Variants in OR3A2 observed in about 807,000 individuals in gnomAD.
The protein encoded by OR3A2 is olfactory receptor 3A2.
For synonymous variants in OR3A2, 126 were observed against 159.3 expected (o/e 0.79, Z 1.57); for missense variants, 318 against 392.8 (o/e 0.81, Z 1.61).
At chr17:3,378,834 G>A (rs2049708289) in intron 2 of OR3A2, among the ~76,000 whole-genome samples, 1 of 152,124 alleles carries the variant, frequency 6.6e-6, no homozygotes, top group Non-Finnish European at 1.5e-5. Flanking sequence ...AGTACCTAGG[G>A]CACTTATTGC....
At chr17:3,344,899 T>C (rs551730999) in intron 2 of OR3A2, among the ~76,000 whole-genome samples, 1 of 152,276 alleles carries the variant, frequency 6.6e-6, no homozygotes, top group South Asian at 2.1e-4. Context: ...GGAAGAGCAG[T>C]AGCAGCTACC....
chr17:3,285,747 C>A (rs983102206), upstream of OR3A2, among the ~76,000 whole-genome samples: 1 of 152,128 alleles, frequency 6.6e-6, no homozygotes, highest in Non-Finnish European at 1.5e-5. Flanking sequence ...GTGATCGCAC[C>A]ACTGCACTGC....
At chr17:3,359,507 G>A (rs898686872) in intron 2 of OR3A2, among the ~76,000 whole-genome samples, 1 of 151,650 alleles carries the variant, frequency 6.6e-6, no homozygotes. Context: ...ATCTGAAAAG[G>A]AACATATTTC....
rs2049238392 is a variant in OR3A2, at chr17:3,331,933, A to G, written c.-85+4100T>C. ...TCTGTTTGTTAGTTTTCCTTCTAACAGACAGGACCCTCAGCTGCAGGTCTG... is the reference window on the plus strand; with the variant it reads ...TCTGTTTGTTAGTTTTCCTTCTAACGGACAGGACCCTCAGCTGCAGGTCTG... On this transcript the variant is annotated intron_variant, in intron 3 of 4. Coordinates refer to the OR3A2 transcript ENST00000573491. Among the ~76,000 whole-genome samples the G allele has an allele frequency of 4.0e-5, 6 of 151,662 alleles. No homozygotes were observed. The South Asian group carries it at 1.3e-3, about 32-fold the overall frequency.
intron 3 of OR3A2, among the ~76,000 whole-genome samples, chr17:3,328,908 T>C (rs1381887465): frequency 6.6e-6 from 1 of 150,920 alleles, no homozygotes; most frequent in Non-Finnish European, 1.5e-5. Flanking sequence ...TTATTGAGAG[T>C]TTTTAGCATG....
At chr17:3,371,252 T>C (rs1597362389) in intron 2 of OR3A2, among the ~76,000 whole-genome samples, 26 of 141,484 alleles carry the variant, frequency 1.8e-4, no homozygotes, top group African/African-American at 3.7e-4. Context: ...GGGGCTGACC[T>C]CCTCACCTCC....
At chr17:3,344,273 C>T (rs1017134576) in intron 2 of OR3A2, among the ~76,000 whole-genome samples, 2 of 152,164 alleles carry the variant, frequency 1.3e-5, no homozygotes, top group Non-Finnish European at 2.9e-5. Flanking sequence ...AATTTTTACA[C>T]ATCTAATTAT....
intron 2 of OR3A2, among the ~76,000 whole-genome samples, chr17:3,362,263 T>G (rs527665305): frequency 6.6e-6 from 1 of 151,852 alleles, no homozygotes; most frequent in Non-Finnish European, 1.5e-5. Context: ...GGTGGTGATA[T>G]CCCCTTTAGC....
At chr17:3,305,613 T>C (rs1428485618) in intron 3 of OR3A2, among the ~76,000 whole-genome samples, 1 of 149,772 alleles carries the variant, frequency 6.7e-6, no homozygotes, top group Admixed American at 6.7e-5. Context: ...AAACTAAGTA[T>C]GCAATGGTTA....
chr17:3,378,857 C>T (rs2049708497), intron 2 of OR3A2, among the ~76,000 whole-genome samples: 1 of 152,218 alleles, frequency 6.6e-6, no homozygotes, highest in Non-Finnish European at 1.5e-5. Flanking sequence ...AGCACTGTAA[C>T]TTGCTGTGCC....
At position 3,320,760 on chromosome 17, in the gene OR3A2, C is replaced by G. The variant is rs148418995; in HGVS notation, c.-85+15273G>C. ...TATATCTCTGTTTTGGTACTAGTAC[C>G]ATGCTGTTTTGGTTACTGTAGCCTT... On this transcript the variant is annotated intron_variant, in intron 3 of 4. Transcript: ENST00000573491. 3.8e-3 allele frequency among the ~76,000 whole-genome samples: 580 copies of G among 152,062 alleles called. 5 individuals carry two copies. Among genetic ancestry groups the G allele is most frequent in the African/African-American group, 0.013 (551 of 41,480 alleles).
At chr17:3,369,007 G>A (rs1030166296) in intron 2 of OR3A2, among the ~76,000 whole-genome samples, 2 of 152,130 alleles carry the variant, frequency 1.3e-5, no homozygotes, top group African/African-American at 4.8e-5. Context: ...AGTTGTAAAA[G>A]GGGTTGAGTT....
chr17:3,345,245 C>T (rs911145457), intron 2 of OR3A2, among the ~76,000 whole-genome samples: 6 of 152,142 alleles, frequency 3.9e-5, no homozygotes, highest in African/African-American at 1.4e-4. Context: ...AGAGAAAAGA[C>T]ATTCATCTAC....
intron 2 of OR3A2, among the ~76,000 whole-genome samples, chr17:3,340,364 T>C (rs1035716678): frequency 1.3e-5 from 2 of 152,178 alleles, no homozygotes; most frequent in Non-Finnish European, 2.9e-5. Flanking sequence ...GATGTTAGGG[T>C]GTCAATTTTA....
At chr17:3,338,434 G>C (rs752155528) in intron 2 of OR3A2, among the ~76,000 whole-genome samples, 5 of 152,072 alleles carry the variant, frequency 3.3e-5, no homozygotes, top group Non-Finnish European at 5.9e-5. Flanking sequence ...AATCCATCTT[G>C]AATTAATTTT....
intron 3 of OR3A2, chr17:3,291,078 C>T (rs962570834): frequency 4.6e-5 from 7 of 152,252 alleles, no homozygotes; most frequent in Non-Finnish European, 1.0e-4. Flanking sequence ...TACAGCTTCC[C>T]CTCTGTCCCC....
chr17:3,337,159 A>G (rs1045598975), intron 2 of OR3A2, among the ~76,000 whole-genome samples: 3 of 152,218 alleles, frequency 2.0e-5, no homozygotes, highest in Non-Finnish European at 4.4e-5. Flanking sequence ...TAAAATATGC[A>G]TAACATAAAA....
Position 3,311,785 on chromosome 17 carries a change from TCA to T in OR3A2, c.-85+24246_-85+24247del, listed in dbSNP as rs2049046361. ...CTTCTTCAGTTACATGTGTCTGGGC[TCA>T]GTCTCAGCCTCAGACAAAGATAAGG... On this transcript the variant is annotated intron_variant, in intron 3 of 4. Coordinates refer to the OR3A2 transcript ENST00000573491. This position sits in a 1 kb window ranked among gnomAD's most constrained non-coding sequence, Gnocchi z 4.6. The T allele has an allele frequency of 4.6e-6, 1 of 215,974 alleles. No homozygotes were observed. The highest frequency in any genetic ancestry group is 2.3e-5 in the African/African-American group (1 of 44,102). The allele number at this position is 215,974 out of a possible 1,614,324, so 13.4% of individuals were successfully genotyped here. A position where few individuals can be genotyped will look rare whatever the true frequency, so the allele number is the denominator to read the frequency against.
chr17:3,358,701 G>T (rs2049483178), intron 2 of OR3A2, among the ~76,000 whole-genome samples: 1 of 151,704 alleles, frequency 6.6e-6, no homozygotes, highest in Admixed American at 6.6e-5. Context: ...GTCTAATTAT[G>T]TGGTTAATTT....
Sources: allele counts gnomAD v4.1 joint callset (sites outside exome capture counted in the v4.1 genomes callset), GRCh38; gene constraint gnomAD v4.1.1; non-coding constraint Gnocchi (gnomAD v3.1); transcripts MANE v1.5; gene names NCBI Gene and HGNC (gene_info 2026-07-23, HGNC 2026-07-21).